Variants in PARM1 observed in about 807,000 individuals in gnomAD.
PARM1 encodes WSC4, cell wall integrity and stress response component 4 homolog.
PARM1 carries 14 observed loss-of-function variants against 24.6 expected under a neutral mutation model. That is an observed-to-expected ratio of 0.57 (90% CI 0.38 to 0.89). PARM1 has a LOEUF of 0.89. PARM1 is among the 40% of genes least tolerant of loss of function. The pLI, the probability that PARM1 is intolerant of heterozygous loss-of-function variation, is 0.00. For synonymous variants in PARM1, 179 were observed against 156.6 expected, an observed-to-expected ratio of 1.14 and a Z score of -1.07; for missense variants, 362 against 380.4, an observed-to-expected ratio of 0.95 and a Z score of 0.40.
At chr4:74,986,738 A>C (rs181786150) in intron 1 of PARM1, among the ~76,000 whole-genome samples, 1 of 152,122 alleles carries the variant, frequency 6.6e-6, no homozygotes, top group East Asian at 1.9e-4. Context: ...CAAAGGAAAA[A>C]AATTTCAATG....
intron 2 of PARM1, among the ~76,000 whole-genome samples, chr4:75,025,003 A>G (rs1353020915): frequency 1.3e-5 from 2 of 152,218 alleles, no homozygotes; most frequent in Admixed American, 6.5e-5. Context: ...CCCCTTTAGT[A>G]GTATTTTATC....
intron 1 of PARM1, among the ~76,000 whole-genome samples, chr4:74,978,896 G>T (rs1722190752): frequency 6.6e-6 from 1 of 152,132 alleles, no homozygotes; most frequent in Admixed American, 6.5e-5. Context: ...AAATCAAGAA[G>T]TTCTTTGAAG....
intron 1 of PARM1, among the ~76,000 whole-genome samples, chr4:74,968,633 A>G (rs941628634): frequency 5.3e-5 from 8 of 152,224 alleles, no homozygotes; most frequent in African/African-American, 1.9e-4. Context: ...GAGATAAGGC[A>G]GTTTGGGGTC....
At chr4:74,980,182 GTT>G (rs1722220479) in intron 1 of PARM1, among the ~76,000 whole-genome samples, 1 of 152,162 alleles carries the variant, frequency 6.6e-6, no homozygotes, top group Admixed American at 6.5e-5. Flanking sequence ...AACTGTCTCT[GTT>G]TGCAGAGGGC....
intron 3 of PARM1, among the ~76,000 whole-genome samples, chr4:75,036,603 G>A (rs1402827361): frequency 6.6e-6 from 1 of 152,198 alleles, no homozygotes; most frequent in African/African-American, 2.4e-5. Flanking sequence ...CGTCAGCCAT[G>A]TGCCAGGCCA....
At chr4:74,940,570 C>T (rs1418386521) in intron 1 of PARM1, among the ~76,000 whole-genome samples, 2 of 152,180 alleles carry the variant, frequency 1.3e-5, no homozygotes, top group Non-Finnish European at 2.9e-5. Flanking sequence ...AAAGACCCCA[C>T]CTCCTAATAC....
At chr4:75,016,054 A>G (rs368397986) in intron 2 of PARM1, among the ~76,000 whole-genome samples, 3 of 152,220 alleles carry the variant, frequency 2.0e-5, no homozygotes, top group Non-Finnish European at 4.4e-5. Flanking sequence ...CTCAACAAAT[A>G]TCTAAACACA....
chr4:75,025,884 A>G (rs977435991), intron 2 of PARM1, among the ~76,000 whole-genome samples: 4 of 152,238 alleles, frequency 2.6e-5, no homozygotes, highest in Non-Finnish European at 4.4e-5. Context: ...TCGAATCCCA[A>G]TTCTGCCCAC....
chr4:74,950,700 A>C (rs974094056), intron 1 of PARM1, among the ~76,000 whole-genome samples: 9 of 152,176 alleles, frequency 5.9e-5, no homozygotes, highest in African/African-American at 1.9e-4. Flanking sequence ...ATTGATTATA[A>C]ATTACTTTTA....
chr4:75,041,642 C>T (rs1009920964), intron 3 of PARM1, among the ~76,000 whole-genome samples: 16 of 152,180 alleles, frequency 1.1e-4, no homozygotes, highest in African/African-American at 3.1e-4. Flanking sequence ...ATTGATGCTA[C>T]AGTTATCTTT....
At chr4:74,943,837 A>G (rs182929803) in intron 1 of PARM1, among the ~76,000 whole-genome samples, 113 of 152,380 alleles carry the variant, frequency 7.4e-4, no homozygotes, top group Non-Finnish European at 1.4e-3. Flanking sequence ...AGTCTGAGAA[A>G]TTTAAGTAAA....
intron 1 of PARM1, among the ~76,000 whole-genome samples, chr4:74,949,292 A>G (rs988710653): frequency 6.6e-6 from 1 of 152,122 alleles, no homozygotes; most frequent in African/African-American, 2.4e-5. Flanking sequence ...TTAGTAAGAA[A>G]TGGGCATGAG....
intron 1 of PARM1, among the ~76,000 whole-genome samples, chr4:74,995,054 A>C (rs899025399): frequency 6.6e-6 from 1 of 152,128 alleles, no homozygotes; most frequent in Non-Finnish European, 1.5e-5. Context: ...GCAAATTTAA[A>C]TTTTTGTCAA....
At chr4:75,043,132 A>G (rs1296773027) in intron 3 of PARM1, among the ~76,000 whole-genome samples, 1 of 152,194 alleles carries the variant, frequency 6.6e-6, no homozygotes, top group African/African-American at 2.4e-5. Flanking sequence ...CCATTCCAAC[A>G]TACTAATAAA....
intron 3 of PARM1, among the ~76,000 whole-genome samples, chr4:75,045,350 A>G (rs960637401): frequency 1.3e-5 from 2 of 152,320 alleles, no homozygotes; most frequent in Non-Finnish European, 2.9e-5. Flanking sequence ...TTTGGCTTTT[A>G]CTCTGAGATG....
chr4:75,035,439 C>A (rs1177225336), intron 3 of PARM1, among the ~76,000 whole-genome samples: 1 of 152,156 alleles, frequency 6.6e-6, no homozygotes, highest in Non-Finnish European at 1.5e-5. Flanking sequence ...CACAGACACC[C>A]CTGACTTGTC....
At chr4:74,935,119 C>A (rs1454809709) in intron 1 of PARM1, among the ~76,000 whole-genome samples, 5 of 151,900 alleles carry the variant, frequency 3.3e-5, no homozygotes, top group African/African-American at 7.3e-5. Flanking sequence ...ACCGGCTGAG[C>A]ACCACTCCTA....
chr4:74,982,958 A>T (rs1722286241), intron 1 of PARM1, among the ~76,000 whole-genome samples: 1 of 152,182 alleles, frequency 6.6e-6, no homozygotes, highest in South Asian at 2.1e-4. Flanking sequence ...TTTTCTGTTA[A>T]CACTGCAACA....
In PARM1 at chr4:74,993,666, A is replaced by T. The variant is rs1472919012; in HGVS notation, c.44-18759A>T. Reference sequence around the variant, plus strand: ...TTTCAGGTAAAAAGAATAACAATGGATTATGATTTTATAACAAATGAAGAA... The same window carrying T: ...TTTCAGGTAAAAAGAATAACAATGGTTTATGATTTTATAACAAATGAAGAA... On this transcript the variant is annotated intron_variant, in intron 1 of 3. Transcript: ENST00000307428. Among the ~76,000 whole-genome samples the T allele has an allele frequency of 2.0e-5, 3 of 152,298 alleles. No individual in the cohort carries two copies. In the South Asian group the frequency reaches 6.2e-4, roughly 32 times the overall value.
Sources: allele counts gnomAD v4.1 joint callset (sites outside exome capture counted in the v4.1 genomes callset), GRCh38; gene constraint gnomAD v4.1.1; transcripts MANE v1.5; gene names NCBI Gene and HGNC (gene_info 2026-07-23, HGNC 2026-07-21).